Variants in RAE1 observed in about 807,000 individuals in gnomAD.
RAE1 encodes the protein ribonucleic acid export 1.
Under a neutral mutation model 52.7 loss-of-function variants are expected in RAE1, and 13 were observed. The observed-to-expected ratio is 0.25, with a 90% confidence interval of 0.16 to 0.39. RAE1 has a LOEUF of 0.39. Ranked by LOEUF, RAE1 falls within the 10% of genes least tolerant of loss-of-function variation. The probability of loss-of-function intolerance (pLI) is 1.00; values close to 1 mark genes in which losing one functional copy is unlikely to be tolerated. For synonymous variants in RAE1, 164 were observed against 153.1 expected, an observed-to-expected ratio of 1.07 and a Z score of -0.52; for missense variants, 262 against 459.8, an observed-to-expected ratio of 0.57 and a Z score of 3.93.
At chr20:57,375,497 C>T (rs1488927901) in intron 11 of RAE1, among the ~76,000 whole-genome samples, 2 of 152,128 alleles carry the variant, frequency 1.3e-5, no homozygotes, top group African/African-American at 4.8e-5. Context: ...TTCCCGCTCA[C>T]CTCATGTCTG....
intron 2 of RAE1, among the ~76,000 whole-genome samples, chr20:57,354,461 G>C (rs1379546927): frequency 6.6e-6 from 1 of 152,332 alleles, no homozygotes. Flanking sequence ...TGTGGGGCCA[G>C]AGTGAACTGG....
chr20:57,377,975 T>G (rs2067140297), intron 11 of RAE1, 38 bp from the exon 12 acceptor site: 2 of 1,483,610 alleles, frequency 1.3e-6, no homozygotes, highest in Non-Finnish European at 1.9e-6. Flanking sequence ...AACTTTCTTT[T>G]GAATAATAAG....
At chr20:57,374,835 A>C (rs1369898211) in intron 11 of RAE1, 34 bp downstream of exon 11, 2 of 1,611,732 alleles carry the variant, frequency 1.2e-6, no homozygotes, top group Admixed American at 1.7e-5. Flanking sequence ...GGGTGCTCCA[A>C]GGCAGCAGAG....
At chr20:57,355,381 CT>C (rs547720946) in intron 3 of RAE1, among the ~76,000 whole-genome samples, 130 of 152,110 alleles carry the variant, frequency 8.5e-4, no homozygotes, top group South Asian at 6.4e-3. Flanking sequence ...AAATTTAAGA[CT>C]TTTTTTTATT....
intron 7 of RAE1, among the ~76,000 whole-genome samples, chr20:57,368,387 A>C (rs111696581): frequency 0.011 from 1,649 of 152,334 alleles, 15 homozygotes; most frequent in Non-Finnish European, 0.015. Context: ...CTACATACCA[A>C]GTATAACGCT....
rs758727608 is a variant in RAE1, at chr20:57,374,890, C to G, written c.1020+89C>G. 2.1e-6 allele frequency: 3 copies of G among 1,436,896 alleles called. No individual in the cohort carries two copies. In the Admixed American group the frequency reaches 5.1e-5, roughly 25 times the overall value. 89.0% of individuals were successfully genotyped at this position (1,436,896 alleles called of 1,614,324 possible). On this transcript the variant is annotated intron_variant, in intron 11 of 11. Coordinates refer to ENST00000395841, the MANE Select transcript of RAE1 (RefSeq NM_003610.4). Reference sequence around the variant, plus strand: ...GGCCTAGGCCTGAGTTGTGACTCTTCTCAGGACTCACGTGTGTCCTTGGGC... The same window carrying G: ...GGCCTAGGCCTGAGTTGTGACTCTTGTCAGGACTCACGTGTGTCCTTGGGC...
chr20:57,370,539 GCTC>G (rs530706442), intron 8 of RAE1, among the ~76,000 whole-genome samples: 45 of 152,262 alleles, frequency 3.0e-4, no homozygotes, highest in African/African-American at 1.1e-3. Context: ...TCATTCCTGT[GCTC>G]CTGACATGGA....
chr20:57,356,106 A>G lies in RAE1; in HGVS notation c.196-340A>G, dbSNP rs372403931. ...TTTTTTAACGGAGGGGAGATTATATAAAGTATTCAGAAAAGAGGTAAGTTT... is the reference window on the plus strand; with the variant it reads ...TTTTTTAACGGAGGGGAGATTATATGAAGTATTCAGAAAAGAGGTAAGTTT... On this transcript the variant is annotated intron_variant, in intron 3 of 11. Coordinates refer to ENST00000395841, the MANE Select transcript of RAE1 (RefSeq NM_003610.4). Among the ~76,000 whole-genome samples the G allele has an allele frequency of 3.3e-5, 5 of 152,224 alleles. No individual in the cohort carries two copies. In the East Asian group the frequency reaches 9.6e-4, roughly 29 times the overall value.
intron 4 of RAE1, chr20:57,358,142 G>A (rs1438419134): frequency 1.3e-5 from 2 of 152,164 alleles, no homozygotes; most frequent in African/African-American, 4.8e-5. Context: ...AGAGGGCTAG[G>A]ATTGGAGCAA....
chr20:57,361,052 A>AACC (rs2066884380), intron 4 of RAE1, among the ~76,000 whole-genome samples: 1 of 152,130 alleles, frequency 6.6e-6, no homozygotes, highest in Admixed American at 6.5e-5. Flanking sequence ...AAGCTACATT[A>AACC]ACTGTGTAGA....
chr20:57,359,029 C>G, intron 4 of RAE1: 1 of 1,517,926 alleles, frequency 6.6e-7, no homozygotes, highest in Non-Finnish European at 8.8e-7. Context: ...GCTGAACCTT[C>G]GTGTGGCCAT....
At chr20:57,352,073 A>T (rs778334624) in intron 1 of RAE1, 39 of 760,996 alleles carry the variant, frequency 5.1e-5, no homozygotes, top group East Asian at 1.3e-4. Flanking sequence ...ATTCCAGGGG[A>T]TGTGATGGAA....
At chr20:57,357,609 T>C (rs1158623997) in intron 4 of RAE1, 1 of 152,202 alleles carries the variant, frequency 6.6e-6, no homozygotes, top group Non-Finnish European at 1.5e-5. Context: ...TAATTAAATT[T>C]GTGGTATAGA....
Position 57,375,511 on chromosome 20 carries a change from G to A in RAE1, c.1020+710G>A, listed in dbSNP as rs542904985. Reference sequence around the variant, plus strand: ...TTTCCCGCTCACCTCATGTCTGCCTGCGCTGACCCCGTCTCCTTCCACCCT... The same window carrying A: ...TTTCCCGCTCACCTCATGTCTGCCTACGCTGACCCCGTCTCCTTCCACCCT... On this transcript the variant is annotated intron_variant, in intron 11 of 11. Transcript: ENST00000395841. 3.9e-5 allele frequency among the ~76,000 whole-genome samples: 6 copies of A among 152,214 alleles called. No homozygotes were observed. The East Asian group carries it at 1.2e-3, about 30-fold the overall frequency.
chr20:57,378,762 G>A lies in RAE1; in HGVS notation c.*663G>A, dbSNP rs1266722273. ...TTTCCGAGTGACTCAAATGGGGACT[G>A]TTACTTGTGCTGGGTGACAGGCCAT... On this transcript the variant is annotated 3_prime_UTR_variant, in exon 12 of 12. Transcript: ENST00000395841. The A allele has an allele frequency of 6.6e-6, 1 of 152,230 alleles. No individual in the cohort carries two copies. Among genetic ancestry groups the A allele is most frequent in the African/African-American group, 2.4e-5 (1 of 41,430 alleles). The allele number at this position is 152,230 out of a possible 1,614,324, so 9.4% of individuals were successfully genotyped here.
At chr20:57,367,304 G>A (rs1672838324) in intron 7 of RAE1, among the ~76,000 whole-genome samples, 1 of 152,118 alleles carries the variant, frequency 6.6e-6, no homozygotes, top group Non-Finnish European at 1.5e-5. Flanking sequence ...AAGTTTTCCT[G>A]CCACTCGTTT....
chr20:57,377,365 C>G (rs1196634633), intron 11 of RAE1, among the ~76,000 whole-genome samples: 3 of 152,218 alleles, frequency 2.0e-5, no homozygotes, highest in Non-Finnish European at 4.4e-5. Flanking sequence ...GATCACATCA[C>G]TGACCTGCCT....
chr20:57,352,860 C>A (rs1046820765), intron 1 of RAE1, among the ~76,000 whole-genome samples: 1 of 152,332 alleles, frequency 6.6e-6, no homozygotes, highest in Middle Eastern at 3.4e-3. Context: ...TGCCTTTGTT[C>A]GTTCATACAG....
intron 4 of RAE1, 64 bp from the exon 5 acceptor site, chr20:57,365,292 A>AAC: frequency 8.3e-7 from 1 of 1,199,366 alleles, no homozygotes; most frequent in Non-Finnish European, 1.2e-6. Context: ...GTAGTATCTA[A>AAC]ATATATATAT....
Sources: allele counts gnomAD v4.1 joint callset (sites outside exome capture counted in the v4.1 genomes callset), GRCh38; gene constraint gnomAD v4.1.1; transcripts MANE v1.5; gene names NCBI Gene and HGNC (gene_info 2026-07-23, HGNC 2026-07-21).